The following MAPK13 variants were observed in gnomAD, a reference collection of about 807,000 sequenced individuals.
MAPK13 encodes MAP kinase 13.
MAPK13 carries 39 observed loss-of-function variants against 53.5 expected under a neutral mutation model. The observed-to-expected ratio is 0.73, with a 90% CI of 0.56 to 0.95. The LOEUF is 0.95. Ranked by LOEUF, MAPK13 falls within the 40% of genes least tolerant of loss-of-function variation. The pLI is 0.00. For synonymous variants in MAPK13, 179 were observed against 190.9 expected (o/e 0.94, Z 0.51); for missense variants, 460 against 471.8 (o/e 0.98, Z 0.23).
intron 2 of MAPK13, among the ~76,000 whole-genome samples, chr6:36,132,302 G>A (rs1766337162): frequency 6.6e-6 from 1 of 152,134 alleles, no homozygotes; most frequent in Non-Finnish European, 1.5e-5. Flanking sequence ...CTTTCCTGCT[G>A]CCTAGGTGAG....
In MAPK13 at chr6:36,139,288, T is replaced by C. The variant is rs1766486345; in HGVS notation, c.1019-6T>C. ...TACGCACCTTAAACCATGCTGCCTTTCTCAGAGCACATCTACAAGGAGATT... is the reference window on the plus strand; with the variant it reads ...TACGCACCTTAAACCATGCTGCCTTCCTCAGAGCACATCTACAAGGAGATT... On this transcript the variant is annotated splice_region_variant and splice_polypyrimidine_tract_variant and intron_variant, in intron 11 of 11. Transcript: ENST00000211287. The C allele has an allele frequency of 1.2e-6, 2 of 1,613,730 alleles. No individual in the cohort carries two copies. The highest frequency in any genetic ancestry group is 2.7e-5 in the African/African-American group (2 of 74,980).
intron 5 of MAPK13, 61 bp from the exon 6 acceptor site, chr6:36,136,423 G>A (rs553762448): frequency 1.3e-5 from 18 of 1,428,366 alleles, no homozygotes; most frequent in South Asian, 9.7e-5. Flanking sequence ...GGGTGGTGGT[G>A]GAGCTAGGAC....
At chr6:36,135,720 G>C (rs775249497) in intron 3 of MAPK13, 33 bp from the exon 4 acceptor site, 3 of 1,508,024 alleles carry the variant, frequency 2.0e-6, no homozygotes, top group Non-Finnish European at 2.8e-6. Context: ...GGTGGGACCC[G>C]GCACTGTTCC....
chr6:36,131,489 C>T (rs765234085), intron 2 of MAPK13, 89 bp downstream of exon 2: 29 of 1,314,796 alleles, frequency 2.2e-5, no homozygotes, highest in Non-Finnish European at 3.0e-5. Context: ...ATGGAGAGCT[C>T]GGGACAGTCT....
chr6:36,136,888 GGTCTGT>G lies in MAPK13; in HGVS notation c.622_627del (p.Ser208_Val209del). 1 of 1,614,184 alleles carries G rather than the reference GGTCTGT, an allele frequency of 6.2e-7. No individual in the cohort carries two copies. The highest frequency in any genetic ancestry group is 1.1e-5 in the South Asian group (1 of 91,080). On this transcript the variant is annotated inframe_deletion, in exon 8 of 12. Coordinates refer to ENST00000211287, the MANE Select transcript of MAPK13 (RefSeq NM_002754.5). ...CTCCCTCCCTCTGCAGTGGACATCT[GGTCTGT>G]GGGCTGTATCATGGCAGAGATGCTG...
At position 36,140,826 on chromosome 6, in the gene MAPK13, A is replaced by C. The variant is rs1047328771; in HGVS notation, c.*1453A>C. On this transcript the variant is annotated 3_prime_UTR_variant, in exon 12 of 12. Transcript: ENST00000211287. ...GGTCTGGCTCTGTCACCCGGGCTGG[A>C]GTTCAGTGGCACAATTACATCTTAC... 6 of 152,114 alleles carry C rather than the reference A, an allele frequency of 3.9e-5. No individual in the cohort carries two copies. The highest frequency in any genetic ancestry group is 2.6e-4 in the Admixed American group (4 of 15,266). The allele number at this position is 152,114 out of a possible 1,614,324, so 9.4% of individuals were successfully genotyped here.
At position 36,131,364 on chromosome 6, in the gene MAPK13, G is replaced by A; in HGVS notation, c.213G>A (p.Arg71=). The change falls in exon 2 of 12, where the codon CGG becomes CGA. Residue 71 remains arginine, a synonymous_variant. Coordinates refer to ENST00000211287, the MANE Select transcript of MAPK13 (RefSeq NM_002754.5). ...QSEIFAKRAY[R]ELLLLKHMQH... is the part of the protein sequence containing the mutation. Reference sequence around the variant, plus strand: ...AGATCTTCGCCAAGCGCGCCTACCGGGAGCTGCTGCTGCTGAAGCACATGC... The same window carrying A: ...AGATCTTCGCCAAGCGCGCCTACCGAGAGCTGCTGCTGCTGAAGCACATGC... 6.2e-7 allele frequency: 1 copy of A among 1,613,806 alleles called. No homozygotes were observed. Among genetic ancestry groups the A allele is most frequent in the Non-Finnish European group, 8.5e-7 (1 of 1,179,888 alleles).
rs375608425 is a variant in MAPK13 at position 36,130,566 on chromosome 6, G to A, written c.-17G>A. ...ACGCAGCCGCCACGCTGGGGCCGCC[G>A]AGATCGGGTGCCCGGGATGAGCCTC... On this transcript the variant is annotated 5_prime_UTR_variant, in exon 1 of 12. Transcript: ENST00000211287. The surrounding 1 kb of genome is among the most constrained non-coding windows in gnomAD (Gnocchi z 4.5). The A allele has an allele frequency of 8.1e-5, 115 of 1,417,378 alleles. No homozygotes were observed. Among genetic ancestry groups the A allele is most frequent in the Non-Finnish European group, 1.1e-4 (112 of 1,035,490 alleles). The allele number at this position is 1,417,378 out of a possible 1,614,324, so 87.8% of individuals were successfully genotyped here. A position where few individuals can be genotyped will look rare whatever the true frequency, so the allele number is the denominator to read the frequency against.
At chr6:36,134,896 T>A (rs1309263541) in intron 3 of MAPK13, among the ~76,000 whole-genome samples, 3 of 152,148 alleles carry the variant, frequency 2.0e-5, no homozygotes, top group Non-Finnish European at 4.4e-5. Flanking sequence ...CACCTGTAGT[T>A]GTAGCTACTC....
intron 8 of MAPK13, 37 bp from the exon 9 acceptor site, chr6:36,138,328 C>G: frequency 6.4e-7 from 1 of 1,562,648 alleles, no homozygotes; most frequent in South Asian, 1.1e-5. Flanking sequence ...CTCAGACCCA[C>G]CAGGAGAGCA....
At chr6:36,137,794 C>T (rs978898413) in intron 8 of MAPK13, among the ~76,000 whole-genome samples, 2 of 151,454 alleles carry the variant, frequency 1.3e-5, no homozygotes, top group African/African-American at 4.9e-5. Flanking sequence ...AACCCCATCT[C>T]TACCAAAAAA....
chr6:36,136,064 G>A lies in MAPK13; in HGVS notation c.447+16G>A, dbSNP rs774800895. On this transcript the variant is annotated intron_variant, in intron 5 of 11. Coordinates refer to ENST00000211287, the MANE Select transcript of MAPK13 (RefSeq NM_002754.5). ...CGTGCACAGGGTGAGTGCTTTCTCT[G>A]CCATGGTCCTCAGAGGCCCCTGTCC... The A allele has an allele frequency of 4.3e-6, 7 of 1,613,894 alleles. No individual in the cohort carries two copies. Among genetic ancestry groups the A allele is most frequent in the Non-Finnish European group, 5.9e-6 (7 of 1,179,970 alleles).
chr6:36,136,586 C>G, intron 6 of MAPK13, 55 bp downstream of exon 6: 1 of 1,596,074 alleles, frequency 6.3e-7, no homozygotes, highest in Non-Finnish European at 8.5e-7. Flanking sequence ...CCCAGGGAAG[C>G]CCCTGGAAGC....
At chr6:36,136,819 C>T (rs372092878) in intron 7 of MAPK13, 49 bp downstream of exon 7, 61 of 1,610,780 alleles carry the variant, frequency 3.8e-5, no homozygotes, top group South Asian at 5.5e-5. Flanking sequence ...TCTGGTCACT[C>T]GGTGCTGACT....
In MAPK13 at chr6:36,141,606, A is replaced by C. The variant is rs1766533439; in HGVS notation, c.*2233A>C. Reference sequence around the variant, plus strand: ...AGAATTGCTTGAACCTGGGAGGTGGAGGTTGCAGTGAGCTGAGATCACACC... The same window carrying C: ...AGAATTGCTTGAACCTGGGAGGTGGCGGTTGCAGTGAGCTGAGATCACACC... On this transcript the variant is annotated 3_prime_UTR_variant, in exon 12 of 12. Coordinates refer to ENST00000211287, the MANE Select transcript of MAPK13 (RefSeq NM_002754.5). The C allele has an allele frequency of 6.6e-6, 1 of 152,360 alleles. No homozygotes were observed. The highest frequency in any genetic ancestry group is 2.4e-5 in the African/African-American group (1 of 41,432). The allele number at this position is 152,360 out of a possible 1,614,324, so 9.4% of individuals were successfully genotyped here.
chr6:36,134,691 C>G (rs756052209), intron 3 of MAPK13, among the ~76,000 whole-genome samples: 1 of 152,078 alleles, frequency 6.6e-6, no homozygotes, highest in Non-Finnish European at 1.5e-5. Flanking sequence ...TGCCACCACA[C>G]CTGGCTAATT....
rs1581891022 is a variant in MAPK13, at chr6:36,143,145, A to C, written c.*3772A>C. 1 of 152,130 alleles carries C rather than the reference A, an allele frequency of 6.6e-6. No homozygotes were observed. The allele number at this position is 152,130 out of a possible 1,614,324, so 9.4% of individuals were successfully genotyped here. ...GGGGACATTTCCTAAGAGCAAGTGT[A>C]CCCTCCATTCCCTCTTTTGAGGAAC... On this transcript the variant is annotated 3_prime_UTR_variant, in exon 12 of 12. Coordinates refer to ENST00000211287, the MANE Select transcript of MAPK13 (RefSeq NM_002754.5).
At chr6:36,138,624 T>C in intron 9 of MAPK13, 78 bp from the exon 10 acceptor site, 1 of 1,453,584 alleles carries the variant, frequency 6.9e-7, no homozygotes, top group South Asian at 1.2e-5. Flanking sequence ...TCAGCCCTGC[T>C]CTGAGGCTTT....
chr6:36,138,515 G>A, intron 9 of MAPK13, 71 bp downstream of exon 9: 1 of 1,495,344 alleles, frequency 6.7e-7, no homozygotes, highest in Non-Finnish European at 9.2e-7. Flanking sequence ...TGGGCTGCAG[G>A]CCTTTGTGGA....
Sources: gnomAD v4.1 joint callset for allele counts (sites outside exome capture counted in the v4.1 genomes callset) on GRCh38, gnomAD v4.1.1 for gene constraint, Gnocchi (gnomAD v3.1) non-coding constraint, MANE v1.5 for transcripts, NCBI Gene and HGNC (gene_info 2026-07-23, HGNC 2026-07-21) for gene names.